The following FSTL5 variants were observed in gnomAD, a reference collection of about 807,000 sequenced individuals.
FSTL5 encodes follistatin-related protein 5.
A neutral mutation model predicts 89.1 loss-of-function variants in FSTL5; 62 were observed. That is an observed-to-expected ratio of 0.70 (90% CI 0.57 to 0.86). The LOEUF (loss-of-function observed/expected upper bound fraction) is 0.86, where lower values mean the gene tolerates loss of function less well. Ranked by LOEUF, FSTL5 falls within the 40% of genes least tolerant of loss-of-function variation. The probability of loss-of-function intolerance (pLI) is 0.00; values close to 1 mark genes in which losing one functional copy is unlikely to be tolerated. For synonymous variants in FSTL5, 383 were observed against 346.2 expected, an observed-to-expected ratio of 1.11 and a Z score of -1.18; for missense variants, 1,057 against 1,001.6, an observed-to-expected ratio of 1.06 and a Z score of -0.75.
chr4:161,643,018 T>C (rs1736018602), intron 7 of FSTL5, among the ~76,000 whole-genome samples: 1 of 152,198 alleles, frequency 6.6e-6, no homozygotes, highest in African/African-American at 2.4e-5. Flanking sequence ...ATCTTGTGTA[T>C]GGGTATAAAC....
intron 3 of FSTL5, among the ~76,000 whole-genome samples, chr4:162,012,247 G>A (rs913829962): frequency 6.6e-6 from 1 of 152,188 alleles, no homozygotes; most frequent in African/African-American, 2.4e-5. Flanking sequence ...CACCTTTCAG[G>A]TGAGGACAAG....
intron 3 of FSTL5, among the ~76,000 whole-genome samples, chr4:162,028,816 G>A (rs1737400326): frequency 6.6e-6 from 1 of 152,160 alleles, no homozygotes; most frequent in Non-Finnish European, 1.5e-5. Flanking sequence ...ATAGCTAATG[G>A]CTTTCAGTAC....
chr4:162,137,457 CCA>C (rs146613040), intron 1 of FSTL5, among the ~76,000 whole-genome samples: 1 of 151,528 alleles, frequency 6.6e-6, no homozygotes, highest in Non-Finnish European at 1.5e-5. Context: ...TGGCCACATA[CCA>C]CACACACACA....
At chr4:161,704,201 T>C (rs951289408) in intron 6 of FSTL5, among the ~76,000 whole-genome samples, 1 of 152,154 alleles carries the variant, frequency 6.6e-6, no homozygotes, top group African/African-American at 2.4e-5. Context: ...TTGTCTCTTA[T>C]CTTCCTATGA....
chr4:161,708,835 T>C (rs1190349310), intron 6 of FSTL5, among the ~76,000 whole-genome samples: 1 of 152,140 alleles, frequency 6.6e-6, no homozygotes, highest in East Asian at 1.9e-4. Context: ...AAAATATATG[T>C]TTGGGGTATT....
At chr4:161,453,660 C>G (rs1386978829) in intron 15 of FSTL5, among the ~76,000 whole-genome samples, 1 of 152,034 alleles carries the variant, frequency 6.6e-6, no homozygotes, top group Non-Finnish European at 1.5e-5. Context: ...CAAGGTGTGA[C>G]CTCAGCTCAC....
At chr4:161,651,103 C>T (rs1736326579) in intron 7 of FSTL5, among the ~76,000 whole-genome samples, 1 of 152,070 alleles carries the variant, frequency 6.6e-6, no homozygotes, top group African/African-American at 2.4e-5. Context: ...CTCGCCTCAG[C>T]TTGCTTAATT....
intron 14 of FSTL5, 42 bp downstream of exon 14, chr4:161,459,170 T>C: frequency 8.6e-7 from 1 of 1,156,162 alleles, no homozygotes; most frequent in Non-Finnish European, 1.3e-6. Context: ...GTTGAAAGCT[T>C]TAAAGATTGT....
chr4:161,533,168 G>GGA (rs548551268), intron 10 of FSTL5, among the ~76,000 whole-genome samples: 3,825 of 127,658 alleles, frequency 0.03, 160 homozygotes, highest in African/African-American at 0.11. Context: ...TTAGAACTAG[G>GGA]AAAAAAAAAA....
chr4:161,483,043 G>A (rs1021125965), intron 12 of FSTL5, among the ~76,000 whole-genome samples: 1 of 152,162 alleles, frequency 6.6e-6, no homozygotes, highest in African/African-American at 2.4e-5. Context: ...CTACTCGGGA[G>A]GTCAACCTGA....
intron 4 of FSTL5, among the ~76,000 whole-genome samples, chr4:161,855,145 C>G (rs1236530295): frequency 6.6e-6 from 1 of 151,712 alleles, no homozygotes; most frequent in African/African-American, 2.4e-5. Flanking sequence ...TCTGATTAAG[C>G]TCTAATTGTG....
chr4:162,073,581 T>C (rs1729715216), intron 2 of FSTL5, among the ~76,000 whole-genome samples: 1 of 151,792 alleles, frequency 6.6e-6, no homozygotes, highest in Admixed American at 6.6e-5. Context: ...TTTGAAAATA[T>C]GCTCCTGACT....
intron 4 of FSTL5, among the ~76,000 whole-genome samples, chr4:161,793,356 G>C (rs1449668595): frequency 6.6e-6 from 1 of 152,170 alleles, no homozygotes; most frequent in East Asian, 1.9e-4. Context: ...TTTCCAGCTG[G>C]CGAAGTAACA....
Position 161,530,116 on chromosome 4 carries a change from T to C in FSTL5, c.1312+8050A>G, listed in dbSNP as rs773477114. 2.7e-4 allele frequency among the ~76,000 whole-genome samples: 39 copies of C among 142,928 alleles called. 5 individuals are homozygous for C. The highest frequency in any genetic ancestry group is 4.9e-4 in the Non-Finnish European group (32 of 65,078). The allele number at this position is 142,928 out of a possible 152,430, so 93.8% of individuals were successfully genotyped here. On this transcript the variant is annotated intron_variant, in intron 10 of 15. Coordinates refer to ENST00000306100, the MANE Select transcript of FSTL5 (RefSeq NM_020116.5). The stretch of plus-strand genomic sequence containing the variant: ...GTAAATGAAGACTAAAGAGGTTAAT[T>C]AATTTGTTTATGTTATCAGAATCTA...
chr4:162,146,821 C>T (rs1309256352), intron 1 of FSTL5, among the ~76,000 whole-genome samples: 1 of 150,390 alleles, frequency 6.6e-6, no homozygotes, highest in African/African-American at 2.4e-5. Context: ...GAGTCTTGCT[C>T]TGTTGCCCGG....
At chr4:161,411,868 T>C (rs960330078) in intron 15 of FSTL5, among the ~76,000 whole-genome samples, 1 of 152,086 alleles carries the variant, frequency 6.6e-6, no homozygotes, top group African/African-American at 2.4e-5. Context: ...AAGAAAGGAA[T>C]AAAAGGCATC....
chr4:161,560,307 C>CA (rs1191720039), intron 8 of FSTL5, among the ~76,000 whole-genome samples: 2 of 151,874 alleles, frequency 1.3e-5, no homozygotes, highest in African/African-American at 4.8e-5. Context: ...GTTGCTGAGT[C>CA]AGTGAGTATG....
chr4:161,444,881 T>C lies in FSTL5; in HGVS notation c.1841+10123A>G, dbSNP rs140094359. 4.8e-3 allele frequency among the ~76,000 whole-genome samples: 735 copies of C among 152,052 alleles called. 19 individuals carry two copies. The highest frequency in any genetic ancestry group is 0.043 in the Admixed American group (658 of 15,248). ...TGAGTTTATAGCTGGTTCCAATACA[T>C]ATGAAATGATTCACCATTTGTAGAA... On this transcript the variant is annotated intron_variant, in intron 15 of 15. Transcript: ENST00000306100.
chr4:161,560,828 C>G (rs1320165423), intron 8 of FSTL5, among the ~76,000 whole-genome samples: 1 of 151,876 alleles, frequency 6.6e-6, no homozygotes, highest in East Asian at 1.9e-4. Context: ...GAACTACCTG[C>G]CTAAGGCTGT....
Sources: gnomAD v4.1 joint callset for allele counts (sites outside exome capture counted in the v4.1 genomes callset) on GRCh38, gnomAD v4.1.1 for gene constraint, MANE v1.5 for transcripts, NCBI Gene and HGNC (gene_info 2026-07-23, HGNC 2026-07-21) for gene names.